RB1: variants seen among roughly 807,000 people sequenced by gnomAD.
The protein encoded by RB1 is retinoblastoma-associated protein.
Under a neutral mutation model 135.4 loss-of-function variants are expected in RB1, and 18 were observed. The observed-to-expected ratio is 0.13, with a 90% CI of 0.09 to 0.20. The LOEUF (loss-of-function observed/expected upper bound fraction) is 0.20, where lower values mean the gene tolerates loss of function less well. Ranked by LOEUF, RB1 falls within the 10% of genes least tolerant of loss-of-function variation. The probability of loss-of-function intolerance (pLI) is 1.00; values close to 1 mark genes in which losing one functional copy is unlikely to be tolerated. For missense variants in RB1, 868 were observed against 1,110.0 expected, an observed-to-expected ratio of 0.78 and a Z score of 3.10; for synonymous variants, 365 against 373.2, an observed-to-expected ratio of 0.98 and a Z score of 0.25.
chr13:48,366,608 A>G (rs1404108040), intron 9 of RB1, among the ~76,000 whole-genome samples: 1 of 152,196 alleles, frequency 6.6e-6, no homozygotes, highest in Non-Finnish European at 1.5e-5. Flanking sequence ...CTGATGAAAG[A>G]TTTACAAATT....
intron 2 of RB1, among the ~76,000 whole-genome samples, chr13:48,338,195 C>A (rs1952403041): frequency 6.6e-6 from 1 of 152,086 alleles, no homozygotes; most frequent in African/African-American, 2.4e-5. Flanking sequence ...TTGTGGCATT[C>A]TCTGTATTTC....
intron 17 of RB1, among the ~76,000 whole-genome samples, chr13:48,395,643 T>A (rs1200963911): frequency 6.6e-6 from 1 of 151,428 alleles, no homozygotes; most frequent in Non-Finnish European, 1.5e-5. Flanking sequence ...AGATTGAAGA[T>A]CAGCTTAATG....
At chr13:48,342,806 A>G in intron 3 of RB1, 92 bp downstream of exon 3, 1 of 861,658 alleles carries the variant, frequency 1.2e-6, no homozygotes, top group Non-Finnish European at 1.9e-6. Context: ...TTAGTGAGAA[A>G]TGCTAAAATA....
chr13:48,383,938 T>A (rs1948554816), intron 17 of RB1, among the ~76,000 whole-genome samples: 1 of 152,114 alleles, frequency 6.6e-6, no homozygotes, highest in Non-Finnish European at 1.5e-5. Context: ...CACATATTTA[T>A]TGAACATACG....
At chr13:48,333,349 T>C in intron 2 of RB1, 1 of 308,902 alleles carries the variant, frequency 3.2e-6, no homozygotes, top group Non-Finnish European at 5.9e-6. Context: ...TTCAACCTTG[T>C]TTCCAAGAGT....
intron 3 of RB1, 111 bp downstream of exon 3, chr13:48,342,825 C>CA: frequency 1.3e-6 from 1 of 753,402 alleles, no homozygotes. Flanking sequence ...TAAAGTAAAA[C>CA]AAAAAGAACT....
intron 2 of RB1, among the ~76,000 whole-genome samples, chr13:48,316,654 G>T (rs757813106): frequency 4.0e-5 from 6 of 150,704 alleles, no homozygotes; most frequent in Non-Finnish European, 7.4e-5. Context: ...TTTCATGTTG[G>T]TGTACGTCTA....
intron 25 of RB1, 38 bp from the exon 26 acceptor site, chr13:48,477,317 A>G (rs1385586711): frequency 5.3e-6 from 8 of 1,506,370 alleles, no homozygotes; most frequent in Non-Finnish European, 7.4e-6. Context: ...TCCATTTATA[A>G]ATACACATGA....
At chr13:48,423,687 AAAG>A (rs1458337100) in intron 17 of RB1, among the ~76,000 whole-genome samples, 7 of 152,260 alleles carry the variant, frequency 4.6e-5, no homozygotes. Context: ...CAAAAAGAAA[AAAG>A]AAAAAAATCA....
chr13:48,421,993 T>C (rs996319251), intron 17 of RB1, among the ~76,000 whole-genome samples: 7 of 152,124 alleles, frequency 4.6e-5, no homozygotes, highest in Admixed American at 3.9e-4. Flanking sequence ...GAAATACCAT[T>C]TGACCCAGCA....
chr13:48,328,566 C>T (rs1952308383), intron 2 of RB1: 2 of 686,140 alleles, frequency 2.9e-6, no homozygotes, highest in Non-Finnish European at 5.4e-6. Context: ...CAGCCATTTC[C>T]CCCGCCGCAT....
chr13:48,310,035 G>A (rs1354136984), intron 2 of RB1, among the ~76,000 whole-genome samples: 1 of 152,124 alleles, frequency 6.6e-6, no homozygotes, highest in African/African-American at 2.4e-5. Context: ...GGAATTTCAT[G>A]TTATTTTTGG....
intron 1 of RB1, among the ~76,000 whole-genome samples, chr13:48,304,250 G>C (rs1163243452): frequency 4.6e-5 from 7 of 152,166 alleles, no homozygotes; most frequent in African/African-American, 1.4e-4. Context: ...GAGGGGTCTC[G>C]GCTTCAACTT....
intron 3 of RB1, among the ~76,000 whole-genome samples, chr13:48,344,806 A>G (rs1474883544): frequency 6.6e-6 from 1 of 152,212 alleles, no homozygotes; most frequent in East Asian, 1.9e-4. Flanking sequence ...TAAAACACAT[A>G]GACAGATACA....
chr13:48,313,444 C>T (rs2138043020), intron 2 of RB1, among the ~76,000 whole-genome samples: 1 of 150,326 alleles, frequency 6.7e-6, no homozygotes, highest in South Asian at 2.1e-4. Flanking sequence ...CCTTGACTAA[C>T]CCAAGGTCAT....
chr13:48,304,045 G>C lies in RB1; in HGVS notation c.133G>C (p.Val45Leu), dbSNP rs2138028058. The C allele has an allele frequency of 6.9e-7, 1 of 1,448,074 alleles. No individual in the cohort carries two copies. The highest frequency in any genetic ancestry group is 9.0e-7 in the Non-Finnish European group (1 of 1,108,926). The allele number at this position is 1,448,074 out of a possible 1,614,324, so 89.7% of individuals were successfully genotyped here. A position where few individuals can be genotyped will look rare whatever the true frequency, so the allele number is the denominator to read the frequency against. The change falls in exon 1 of 27, where the codon GTC becomes CTC. Residue 45 changes from valine (V) to leucine (L), a missense_variant. By Grantham distance (32) the Val-to-Leu change is conservative. Coordinates refer to ENST00000267163, the MANE Select transcript of RB1 (RefSeq NM_000321.3). ...CAGCGGCCCGGAGGACCTGCCTCTC[G>C]TCAGGTGAGCGAGCAGAGCCGCCGT... The part of the protein sequence containing the change: ...QDSGPEDLPL[V>L]RLEFEETEEP...
At position 48,303,957 on chromosome 13, in the gene RB1, TGCCGCC is replaced by T; in HGVS notation, c.48_53del (p.Ala17_Ala18del). 2 of 1,503,296 alleles carry T rather than the reference TGCCGCC, an allele frequency of 1.3e-6. No individual in the cohort carries two copies. The highest frequency in any genetic ancestry group is 5.3e-5 in the East Asian group (2 of 37,592). The allele number at this position is 1,503,296 out of a possible 1,614,324, so 93.1% of individuals were successfully genotyped here. ...GAAAAACGGCCGCCACCGCCGCCGC[TGCCGCC>T]GCGGAACCCCCGGCACCGCCGCCGC... On this transcript the variant is annotated inframe_deletion, in exon 1 of 27. Transcript: ENST00000267163.
At chr13:48,351,610 T>C (rs1309315976) in intron 6 of RB1, among the ~76,000 whole-genome samples, 1 of 152,138 alleles carries the variant, frequency 6.6e-6, no homozygotes, top group African/African-American at 2.4e-5. Flanking sequence ...TTGTCAATTT[T>C]TGATTTTGTT....
chr13:48,408,916 T>C (rs1593476765), intron 17 of RB1: 1 of 152,252 alleles, frequency 6.6e-6, no homozygotes, highest in East Asian at 1.9e-4. Context: ...TTCTGAGAAA[T>C]CTCAAAGTTA....
Sources: gnomAD v4.1 joint callset for allele counts (sites outside exome capture counted in the v4.1 genomes callset) on GRCh38, gnomAD v4.1.1 for gene constraint, MANE v1.5 for transcripts, NCBI Gene and HGNC (gene_info 2026-07-23, HGNC 2026-07-21) for gene names.